The following TBC1D21 variants were observed in gnomAD, a reference collection of about 807,000 sequenced individuals.
TBC1D21 encodes male germ cell Rab GTPase-activating protein.
TBC1D21 carries 38 observed loss-of-function variants against 46.0 expected under a neutral mutation model. That is an observed-to-expected ratio of 0.83 (90% CI 0.64 to 1.08). The LOEUF is 1.08. Ranked by LOEUF, TBC1D21 falls within the 50% of genes least tolerant of loss-of-function variation. The pLI is 0.00. For synonymous variants in TBC1D21, 151 were observed against 157.2 expected (o/e 0.96, Z 0.29); for missense variants, 415 against 417.9 (o/e 0.99, Z 0.06).
intron 1 of TBC1D21, among the ~76,000 whole-genome samples, chr15:73,875,941 C>G (rs979922121): frequency 1.3e-5 from 2 of 152,200 alleles, no homozygotes; most frequent in Non-Finnish European, 2.9e-5. Context: ...ATTAAAGGAG[C>G]CCAGATACAC....
At position 73,884,839 on chromosome 15, in the gene TBC1D21, G is replaced by C. The variant is rs374835664; in HGVS notation, c.426G>C (p.Lys142Asn). ...KDPLGNVLID[K>N]KRLEKILLLS... ...CCCTGGGCAACGTCCTCATCGACAA[G>C]AAGAGGCTAGAGAAGATCCTGCTCC... The change falls in exon 5 of 11, where the codon AAG becomes AAC. Residue 142 changes from lysine to asparagine, a missense_variant. Lys to Asn is a moderately conservative substitution (Grantham distance 94, BLOSUM62 0). Transcript: ENST00000300504. 4.0e-5 allele frequency: 65 copies of C among 1,614,152 alleles called. No homozygotes were observed. Among genetic ancestry groups the C allele is most frequent in the South Asian group, 3.5e-4 (32 of 91,082 alleles).
chr15:73,887,672 GC>G lies in TBC1D21; in HGVS notation c.831del (p.Ser277ArgfsTer35), dbSNP rs1424685872. ...CRNFQVLVAY[S>X]MLQMVREQVL... Reference sequence around the variant, plus strand: ...AACTTCCAGGTGCTGGTGGCCTACAGCATGCTGCAGATGGTGCGGGAGCAGG... The same window carrying G: ...AACTTCCAGGTGCTGGTGGCCTACAGATGCTGCAGATGGTGCGGGAGCAGG... On this transcript the variant is annotated frameshift_variant, in exon 9 of 11. Coordinates refer to ENST00000300504, the MANE Select transcript of TBC1D21 (RefSeq NM_153356.3). LOFTEE classifies it high-confidence loss of function. The G allele has an allele frequency of 1.2e-6, 2 of 1,614,062 alleles. No individual in the cohort carries two copies. Among genetic ancestry groups the G allele is most frequent in the Non-Finnish European group, 1.7e-6 (2 of 1,179,972 alleles).
At chr15:73,882,082 G>A (rs2068165848) in intron 3 of TBC1D21, among the ~76,000 whole-genome samples, 1 of 151,890 alleles carries the variant, frequency 6.6e-6, no homozygotes, top group Admixed American at 6.6e-5. Context: ...CCTCTTCCCT[G>A]GGTGCCACCC....
the TBC1D21 span, among the ~76,000 whole-genome samples, chr15:73,898,957 A>G: frequency 6.7e-6 from 1 of 149,350 alleles, no homozygotes; most frequent in Admixed American, 6.7e-5. Flanking sequence ...TGGACCCAAT[A>G]TAAAATAATT....
chr15:73,891,039 G>A (rs1375846290), downstream of TBC1D21, among the ~76,000 whole-genome samples: 1 of 152,234 alleles, frequency 6.6e-6, no homozygotes, highest in Non-Finnish European at 1.5e-5. Flanking sequence ...GTGATGGAGT[G>A]ATGAAAGTAA....
Position 73,886,061 on chromosome 15 carries a change from C to G in TBC1D21, c.580-17C>G. The G allele has an allele frequency of 1.9e-6, 3 of 1,613,168 alleles. No homozygotes were observed. Among genetic ancestry groups the G allele is most frequent in the South Asian group, 2.2e-5 (2 of 91,014 alleles). ...AAGCCAAGGGGGACTCAGTCTGTCT[C>G]CCACCATCGTGTGCAGGAACACAGC... On this transcript the variant is annotated splice_polypyrimidine_tract_variant and intron_variant, in intron 6 of 10. Coordinates refer to ENST00000300504, the MANE Select transcript of TBC1D21 (RefSeq NM_153356.3).
downstream of TBC1D21, among the ~76,000 whole-genome samples, chr15:73,891,861 G>C (rs1192948583): frequency 6.6e-6 from 1 of 152,258 alleles, no homozygotes; most frequent in African/African-American, 2.4e-5. Flanking sequence ...CTCGGCATGG[G>C]CCTTCAGGCA....
At chr15:73,879,791 T>C (rs1017189189) in intron 1 of TBC1D21, among the ~76,000 whole-genome samples, 1 of 152,244 alleles carries the variant, frequency 6.6e-6, no homozygotes, top group African/African-American at 2.4e-5. Context: ...CAATGTGGCA[T>C]TTCAAGATAT....
At chr15:73,884,085 C>A in intron 3 of TBC1D21, 66 bp from the exon 4 acceptor site, 2 of 1,327,070 alleles carry the variant, frequency 1.5e-6, no homozygotes, top group Non-Finnish European at 2.2e-6. Flanking sequence ...GTAGCTGCAG[C>A]TGCTCATTCA....
At chr15:73,884,961 C>T (rs1214093147) in intron 5 of TBC1D21, 42 bp from the exon 6 acceptor site, 2 of 1,599,302 alleles carry the variant, frequency 1.3e-6, no homozygotes, top group East Asian at 2.2e-5. Context: ...GGTCCAGGCT[C>T]TCCCACCCAG....
At chr15:73,892,380 AAGGAGAGAAGAG>A (rs2068344246), downstream of TBC1D21, among the ~76,000 whole-genome samples, 1 of 152,156 alleles carries the variant, frequency 6.6e-6, no homozygotes, top group Admixed American at 6.5e-5. Context: ...AGGTGACAGG[AAGGAGAGAAGAG>A]AGGAGAGAAG....
chr15:73,901,322 G>A, the TBC1D21 span, among the ~76,000 whole-genome samples: 4 of 152,334 alleles, frequency 2.6e-5, no homozygotes, highest in Non-Finnish European at 4.4e-5. Context: ...TCAATCTGGG[G>A]TAACTCTGCA....
At chr15:73,880,751 A>C (rs1214452929) in intron 1 of TBC1D21, among the ~76,000 whole-genome samples, 3 of 152,258 alleles carry the variant, frequency 2.0e-5, no homozygotes, top group African/African-American at 7.2e-5. Flanking sequence ...GCCTGGCGAC[A>C]GAGTGAGACT....
chr15:73,886,229 G>T (rs2068243934), intron 7 of TBC1D21, 55 bp downstream of exon 7: 2 of 1,497,118 alleles, frequency 1.3e-6, no homozygotes, highest in South Asian at 2.3e-5. Context: ...TGGGAAGGGG[G>T]CTGGGACCCA....
intron 1 of TBC1D21, among the ~76,000 whole-genome samples, chr15:73,879,874 CTGTTGTTGTTGTTGT>C (rs5813727): frequency 3.3e-5 from 5 of 149,794 alleles, no homozygotes; most frequent in Admixed American, 6.7e-5. Flanking sequence ...ACCCTCACTC[CTGTTGTTGTTGTTGT>C]TGTTGTTGTT....
the TBC1D21 span, among the ~76,000 whole-genome samples, chr15:73,901,340 A>C: frequency 1.3e-5 from 2 of 152,200 alleles, no homozygotes; most frequent in African/African-American, 4.8e-5. Flanking sequence ...GCAGGCCACC[A>C]CAGCCCTGGA....
chr15:73,886,686 G>C, intron 8 of TBC1D21, 74 bp downstream of exon 8: 1 of 1,381,712 alleles, frequency 7.2e-7, no homozygotes, highest in East Asian at 2.3e-5. Context: ...AGTCTTCCTT[G>C]CCTCCCCCTT....
chr15:73,894,710 T>TG, the TBC1D21 span, among the ~76,000 whole-genome samples: 3 of 152,112 alleles, frequency 2.0e-5, no homozygotes, highest in East Asian at 5.8e-4. Context: ...GGAGGAGGGC[T>TG]GTGCAGGAGT....
chr15:73,884,546 G>C (rs983823293), intron 4 of TBC1D21, among the ~76,000 whole-genome samples: 1 of 152,190 alleles, frequency 6.6e-6, no homozygotes, highest in African/African-American at 2.4e-5. Flanking sequence ...AAGGGTGGGG[G>C]AGGACATTCC....
Sources: allele counts gnomAD v4.1 joint callset (sites outside exome capture counted in the v4.1 genomes callset), GRCh38; gene constraint gnomAD v4.1.1; transcripts MANE v1.5; gene names NCBI Gene and HGNC (gene_info 2026-07-23, HGNC 2026-07-21).